ARHGAP10: variants seen among roughly 807,000 people sequenced by gnomAD.
ARHGAP10 encodes rho GTPase-activating protein 10.
In ARHGAP10, 87 loss-of-function variants were observed where a neutral mutation model predicts 108.6. The observed-to-expected ratio is 0.80, with a 90% confidence interval of 0.67 to 0.96. The LOEUF is 0.96. ARHGAP10 is among the 40% of genes least tolerant of loss of function. ARHGAP10 has a pLI of 0.00. For synonymous variants in ARHGAP10, 347 were observed against 341.1 expected (o/e 1.02, Z -0.19); for missense variants, 939 against 954.5 (o/e 0.98, Z 0.21).
At chr4:148,037,004 A>G (rs1394881423) in intron 19 of ARHGAP10, among the ~76,000 whole-genome samples, 2 of 152,166 alleles carry the variant, frequency 1.3e-5, no homozygotes, top group African/African-American at 4.8e-5. Flanking sequence ...GTCTTAGATA[A>G]TCCAGCTAGG....
chr4:148,009,604 C>T (rs1025484626), intron 18 of ARHGAP10, among the ~76,000 whole-genome samples: 1 of 152,046 alleles, frequency 6.6e-6, no homozygotes, highest in African/African-American at 2.4e-5. Context: ...GTCTGGAAGC[C>T]CTGTACTGAA....
chr4:147,853,465 A>T (rs1375512392), intron 4 of ARHGAP10, among the ~76,000 whole-genome samples: 2 of 152,230 alleles, frequency 1.3e-5, no homozygotes, highest in Non-Finnish European at 2.9e-5. Context: ...AAATAAAGAA[A>T]ATTCAAAAAA....
chr4:147,896,450 T>C (rs1579172141), intron 10 of ARHGAP10, among the ~76,000 whole-genome samples: 2 of 152,196 alleles, frequency 1.3e-5, no homozygotes, highest in South Asian at 4.1e-4. Context: ...GAATTTATTT[T>C]CTCTAAATTG....
At chr4:147,837,642 T>TG (rs1579100656) in intron 3 of ARHGAP10, among the ~76,000 whole-genome samples, 1 of 121,134 alleles carries the variant, frequency 8.3e-6, no homozygotes, top group East Asian at 2.4e-4. Context: ...CTCTGGTCAC[T>TG]GTTTTTTTTT....
At chr4:147,924,059 TGAA>T (rs1737352112) in intron 13 of ARHGAP10, among the ~76,000 whole-genome samples, 1 of 152,202 alleles carries the variant, frequency 6.6e-6, no homozygotes, top group African/African-American at 2.4e-5. Context: ...GGGAGGGAGT[TGAA>T]GAGTCTTGTG....
intron 13 of ARHGAP10, among the ~76,000 whole-genome samples, chr4:147,929,320 A>G (rs1315942849): frequency 6.6e-6 from 1 of 152,136 alleles, no homozygotes; most frequent in African/African-American, 2.4e-5. Flanking sequence ...TAAATTTATG[A>G]TGGTGAATAT....
intron 18 of ARHGAP10, among the ~76,000 whole-genome samples, chr4:147,983,187 G>GT (rs34988080): frequency 0.51 from 66,956 of 131,504 alleles, 19,590 homozygotes; most frequent in East Asian, 0.68. Flanking sequence ...TGGCTGCTTT[G>GT]TTTTTTTTTT....
intron 3 of ARHGAP10, among the ~76,000 whole-genome samples, chr4:147,838,194 A>G (rs1041258914): frequency 2.6e-5 from 4 of 152,200 alleles, no homozygotes; most frequent in African/African-American, 9.7e-5. Flanking sequence ...ATTGATGGCC[A>G]CATCTGCCTG....
At chr4:147,886,443 CT>C (rs1286763266) in intron 10 of ARHGAP10, among the ~76,000 whole-genome samples, 1 of 152,208 alleles carries the variant, frequency 6.6e-6, no homozygotes, top group Admixed American at 6.5e-5. Flanking sequence ...AAGACTTTCT[CT>C]TTCTACCACC....
intron 1 of ARHGAP10, among the ~76,000 whole-genome samples, chr4:147,782,843 G>C (rs943556687): frequency 2.1e-5 from 3 of 140,346 alleles, no homozygotes; most frequent in Non-Finnish European, 4.6e-5. Flanking sequence ...CAAAGACCCA[G>C]GAAAAATTTT....
At chr4:147,771,790 T>C (rs1384329424) in intron 1 of ARHGAP10, among the ~76,000 whole-genome samples, 1 of 151,652 alleles carries the variant, frequency 6.6e-6, no homozygotes, top group Admixed American at 6.6e-5. Context: ...TGCAACTAAA[T>C]TAGTATTTTT....
At position 147,956,943 on chromosome 4, in the gene ARHGAP10, A is replaced by G. The variant is rs192330405; in HGVS notation, c.1450+1569A>G. ...AGGTTCCTAAGAGGTAGGAGCTTAT[A>G]TCTTAAGAGGTAATAAAATCTATGG... On this transcript the variant is annotated intron_variant, in intron 16 of 22. Transcript: ENST00000336498. Among the ~76,000 whole-genome samples the G allele has an allele frequency of 1.4e-3, 216 of 152,260 alleles. 2 individuals are homozygous for G. The highest frequency in any genetic ancestry group is 5.0e-3 in the African/African-American group (206 of 41,566).
intron 18 of ARHGAP10, among the ~76,000 whole-genome samples, chr4:148,003,088 G>A (rs975038470): frequency 6.6e-6 from 1 of 152,216 alleles, no homozygotes; most frequent in Non-Finnish European, 1.5e-5. Context: ...TGCGTTAAAT[G>A]TGTCCCAGAG....
intron 1 of ARHGAP10, among the ~76,000 whole-genome samples, chr4:147,738,805 G>T (rs1293823378): frequency 6.6e-6 from 1 of 152,118 alleles, no homozygotes; most frequent in Non-Finnish European, 1.5e-5. Flanking sequence ...ACCATTACCA[G>T]TGACCAAGAA....
At chr4:147,886,609 T>A (rs1419971298) in intron 10 of ARHGAP10, among the ~76,000 whole-genome samples, 3 of 152,218 alleles carry the variant, frequency 2.0e-5, no homozygotes, top group Non-Finnish European at 4.4e-5. Flanking sequence ...TTTCCTTCTT[T>A]ATTTTGCTTG....
At chr4:147,985,949 C>T (rs764436275) in intron 18 of ARHGAP10, among the ~76,000 whole-genome samples, 70 of 150,958 alleles carry the variant, frequency 4.6e-4, no homozygotes, top group Non-Finnish European at 6.6e-4. Flanking sequence ...ATCATGGAGG[C>T]TGTTTGCCCA....
chr4:148,013,575 C>T (rs1244344308), intron 18 of ARHGAP10, among the ~76,000 whole-genome samples: 1 of 152,120 alleles, frequency 6.6e-6, no homozygotes, highest in African/African-American at 2.4e-5. Context: ...GTAGTCCCAG[C>T]TACTTGGGAG....
intron 20 of ARHGAP10, among the ~76,000 whole-genome samples, chr4:148,062,285 C>T (rs993308882): frequency 1.3e-5 from 2 of 152,270 alleles, no homozygotes; most frequent in South Asian, 4.1e-4. Context: ...TGAGAGCATG[C>T]TGAGGAGTGC....
chr4:147,855,791 G>A (rs1222535126), intron 4 of ARHGAP10, among the ~76,000 whole-genome samples: 1 of 151,962 alleles, frequency 6.6e-6, no homozygotes, highest in Non-Finnish European at 1.5e-5. Context: ...CATCAGTGTG[G>A]GGGAGTTAAT....
Sources: gnomAD v4.1 joint callset for allele counts (sites outside exome capture counted in the v4.1 genomes callset) on GRCh38, gnomAD v4.1.1 for gene constraint, MANE v1.5 for transcripts, NCBI Gene and HGNC (gene_info 2026-07-23, HGNC 2026-07-21) for gene names.